SYNPO2: variants seen among roughly 807,000 people sequenced by gnomAD.
The protein encoded by SYNPO2 is synaptopodin 2.
Under a neutral mutation model 85.0 loss-of-function variants are expected in SYNPO2, and 56 were observed. The observed-to-expected ratio is 0.66, with a 90% CI of 0.53 to 0.82. The LOEUF (loss-of-function observed/expected upper bound fraction) is 0.82. SYNPO2 is among the 40% of genes least tolerant of loss of function. The pLI, the probability that SYNPO2 is intolerant of heterozygous loss-of-function variation, is 0.00. For missense variants in SYNPO2, 1,575 were observed against 1,534.2 expected, an observed-to-expected ratio of 1.03 and a Z score of -0.44; for synonymous variants, 602 against 591.1, an observed-to-expected ratio of 1.02 and a Z score of -0.27.
intron 2 of SYNPO2, among the ~76,000 whole-genome samples, chr4:119,023,888 G>A (rs955318873): frequency 7.9e-5 from 12 of 152,150 alleles, no homozygotes; most frequent in Non-Finnish European, 1.6e-4. Flanking sequence ...TTCTTTGATA[G>A]GTCAAGATTT....
At chr4:118,879,770 T>C (rs950998664) in intron 1 of SYNPO2, among the ~76,000 whole-genome samples, 8 of 152,188 alleles carry the variant, frequency 5.3e-5, no homozygotes, top group Non-Finnish European at 1.2e-4. Context: ...GTCCGTGGTC[T>C]TGGCCAGCAG....
intron 1 of SYNPO2, among the ~76,000 whole-genome samples, chr4:119,007,261 T>TATATATATATATATATATATGTATATAC (rs1737101025): frequency 6.8e-5 from 2 of 29,362 alleles, no homozygotes; most frequent in African/African-American, 2.0e-4. Context: ...TACATATATA[T>TATATATATATATATATATATGTATATAC]ATATATATAT....
upstream of SYNPO2, among the ~76,000 whole-genome samples, chr4:118,884,855 C>T (rs116491250): frequency 3.1e-3 from 471 of 152,250 alleles, 3 homozygotes; most frequent in Middle Eastern, 0.017. Context: ...GACTCCTAGT[C>T]TCACAGGGTT....
chr4:119,025,362 C>T (rs1231814935), intron 2 of SYNPO2, among the ~76,000 whole-genome samples: 1 of 152,140 alleles, frequency 6.6e-6, no homozygotes, highest in African/African-American at 2.4e-5. Flanking sequence ...AATTTGCTAA[C>T]ATCATGCTTT....
chr4:119,057,279 A>AATTATT, intron 4 of SYNPO2, 122 bp from the exon 5 acceptor site: 1 of 1,113,542 alleles, frequency 9.0e-7, no homozygotes, highest in South Asian at 2.3e-5. Flanking sequence ...TGGGGGGTTA[A>AATTATT]TTTATTTTTA....
At position 119,029,876 on chromosome 4, in the gene SYNPO2, A is replaced by G. The variant is rs1403123933; in HGVS notation, c.1101A>G (p.Lys367=). 6.3e-7 allele frequency: 1 copy of G among 1,599,284 alleles called. No individual in the cohort carries two copies. Among genetic ancestry groups the G allele is most frequent in the African/African-American group, 1.3e-5 (1 of 74,476 alleles). Residue 367 remains lysine, a synonymous_variant, in exon 4 of 5, where the codon AAA becomes AAG. Coordinates refer to ENST00000307142, the MANE Select transcript of SYNPO2 (RefSeq NM_133477.3). ...RLRRSESLSE[K]QVKEAKSKCK... is the part of the protein sequence containing the mutation. ...GGAGGAGTGAAAGCCTGTCAGAAAA[A>G]CAAGTGAAGGAAGCAAAATCTAAAT...
At chr4:119,001,062 T>C (rs1736806316) in intron 1 of SYNPO2, among the ~76,000 whole-genome samples, 1 of 152,014 alleles carries the variant, frequency 6.6e-6, no homozygotes. Flanking sequence ...CCTCAAGAGG[T>C]AAAAAGTCTC....
intron 1 of SYNPO2, among the ~76,000 whole-genome samples, chr4:118,986,027 A>C (rs1736203944): frequency 6.6e-6 from 1 of 152,240 alleles, no homozygotes; most frequent in Non-Finnish European, 1.5e-5. Flanking sequence ...AATTAAAATT[A>C]GAAATTCTGT....
At chr4:118,900,697 CTCTCTCTATATATATA>C (rs1247456883) in intron 1 of SYNPO2, among the ~76,000 whole-genome samples, 2,432 of 36,524 alleles carry the variant, frequency 0.067, 43 homozygotes, top group Non-Finnish European at 0.1. Context: ...CTCTCTCTCT[CTCTCTCTATATATATA>C]TATATATATA....
Position 119,023,433 on chromosome 4 carries a change from C to T in SYNPO2, c.109C>T (p.Arg37Ter). ...CTTCTTTTTTTACTCCACTCAGATT[C>T]GAAATCAGAGCAAAGCCTCTGGGTC... is the stretch of plus-strand genomic sequence containing the variant. The part of the protein sequence containing the change: ...QKQPLQVAKI[R>*]NQSKASGSGL... Residue 37 changes from arginine to a stop codon, truncating the protein, a stop_gained, in exon 2 of 5, where the codon CGA becomes TGA. Transcript: ENST00000307142. LOFTEE classifies it high-confidence loss of function. The T allele has an allele frequency of 2.5e-6, 4 of 1,605,028 alleles. No individual in the cohort carries two copies. Among genetic ancestry groups the T allele is most frequent in the Middle Eastern group, 1.7e-4 (1 of 6,014 alleles).
At chr4:118,855,816 A>C (rs1161591404) in intron 1 of SYNPO2, among the ~76,000 whole-genome samples, 1 of 152,224 alleles carries the variant, frequency 6.6e-6, no homozygotes, top group East Asian at 1.9e-4. Context: ...TATAACTTAC[A>C]TAAAGCCCCC....
intron 1 of SYNPO2, among the ~76,000 whole-genome samples, chr4:119,009,390 T>G (rs1737205186): frequency 6.6e-6 from 1 of 152,172 alleles, no homozygotes; most frequent in African/African-American, 2.4e-5. Flanking sequence ...CCAAAAAATC[T>G]TAAAATAATG....
In SYNPO2 at chr4:119,013,618, A is replaced by G. The variant is rs569496437; in HGVS notation, c.106-9812A>G. 5.3e-5 allele frequency among the ~76,000 whole-genome samples: 8 copies of G among 152,328 alleles called. No individual in the cohort carries two copies. In the South Asian group the frequency reaches 1.5e-3, roughly 28 times the overall value. On this transcript the variant is annotated intron_variant, in intron 1 of 4. Transcript: ENST00000307142. ...ATTTGAACTTTCAAGGGAAAACTAA[A>G]ATTTTGAGAAACTCTCATCTGCCAC...
intron 1 of SYNPO2, among the ~76,000 whole-genome samples, chr4:118,926,976 A>C (rs1026675034): frequency 6.6e-6 from 1 of 152,126 alleles, no homozygotes; most frequent in African/African-American, 2.4e-5. Context: ...TTTACCCTCT[A>C]TTGGTCCCTG....
chr4:119,014,792 C>G (rs923613752), intron 1 of SYNPO2, among the ~76,000 whole-genome samples: 12 of 152,150 alleles, frequency 7.9e-5, no homozygotes, highest in South Asian at 2.1e-4. Context: ...AGCTCTTCCC[C>G]GAAAGGCTGT....
At chr4:118,961,415 C>G (rs1374144411) in intron 1 of SYNPO2, among the ~76,000 whole-genome samples, 3 of 152,052 alleles carry the variant, frequency 2.0e-5, no homozygotes, top group Admixed American at 1.3e-4. Context: ...CTAAGCTTGC[C>G]CACCTCTCAG....
At chr4:118,922,344 A>G (rs2149128860) in intron 1 of SYNPO2, among the ~76,000 whole-genome samples, 1 of 152,306 alleles carries the variant, frequency 6.6e-6, no homozygotes, top group Admixed American at 6.5e-5. Context: ...TACAGAAAGA[A>G]AAAAGTTGGC....
At position 118,959,649 on chromosome 4, in the gene SYNPO2, C is replaced by T. The variant is rs542497999; in HGVS notation, c.106-63781C>T. On this transcript the variant is annotated intron_variant, in intron 1 of 4. Coordinates refer to ENST00000307142, the MANE Select transcript of SYNPO2 (RefSeq NM_133477.3). ...TCAGAAGAAACATGAACTAGAGGCT[C>T]GCTCTCCCTGGTCATCTGTGACCAC... 3.9e-4 allele frequency among the ~76,000 whole-genome samples: 50 copies of T among 129,842 alleles called. 1 individual carries two copies. The highest frequency in any genetic ancestry group is 1.7e-3 in the Admixed American group (22 of 13,242). The allele number at this position is 129,842 out of a possible 152,430, so 85.2% of individuals were successfully genotyped here.
chr4:118,955,039 A>T (rs1476724180), intron 1 of SYNPO2, among the ~76,000 whole-genome samples: 1 of 137,302 alleles, frequency 7.3e-6, no homozygotes, highest in African/African-American at 2.8e-5. Context: ...TCACTCTATC[A>T]CCTAGGCTAC....
Sources: gnomAD v4.1 joint callset for allele counts (sites outside exome capture counted in the v4.1 genomes callset) on GRCh38, gnomAD v4.1.1 for gene constraint, MANE v1.5 for transcripts, NCBI Gene and HGNC (gene_info 2026-07-23, HGNC 2026-07-21) for gene names.